KCNH5: variants seen among roughly 807,000 people sequenced by gnomAD.
The protein encoded by KCNH5 is potassium voltage-gated channel subfamily H member 5, also known as voltage-gated delayed rectifier potassium channel KCNH5.
In KCNH5, 46 loss-of-function variants were observed where a neutral mutation model predicts 96.1. The ratio of observed to expected loss-of-function variants is 0.48; its 90% CI spans 0.38 to 0.61. The LOEUF is 0.61. Ranked by LOEUF, KCNH5 falls within the 20% of genes least tolerant of loss-of-function variation. The pLI, the probability that KCNH5 is intolerant of heterozygous loss-of-function variation, is 0.00. For synonymous variants in KCNH5, 439 were observed against 449.8 expected, an observed-to-expected ratio of 0.98 and a Z score of 0.30; for missense variants, 907 against 1,225.8, an observed-to-expected ratio of 0.74 and a Z score of 3.88.
At chr14:62,755,730 T>G (rs1885607817) in intron 10 of KCNH5, among the ~76,000 whole-genome samples, 1 of 152,086 alleles carries the variant, frequency 6.6e-6, no homozygotes, top group Non-Finnish European at 1.5e-5. Context: ...CAAGAATAAT[T>G]CAACAACACA....
At chr14:62,873,587 C>T (rs138800993) in intron 7 of KCNH5, among the ~76,000 whole-genome samples, 2 of 152,252 alleles carry the variant, frequency 1.3e-5, no homozygotes, top group African/African-American at 4.8e-5. Flanking sequence ...TTATCTAATG[C>T]TTTGAATTAT....
rs1491457497 is a variant in KCNH5 at position 63,003,624 on chromosome 14, A to ATATATATATTT, written c.305-2166_305-2165insAAATATATATA. Among the ~76,000 whole-genome samples the ATATATATATTT allele has an allele frequency of 5.7e-4, 53 of 92,742 alleles. 3 individuals are homozygous for ATATATATATTT. In the East Asian group the frequency reaches 0.022, roughly 38 times the overall value. The allele number at this position is 92,742 out of a possible 152,430, so 60.8% of individuals were successfully genotyped here. On this transcript the variant is annotated intron_variant, in intron 3 of 10. Transcript: ENST00000322893. ...TATTTATATTTATATATATATATATATTTTTTTTTTTTTGAGACGGAGTCT... is the reference window on the plus strand; with the variant it reads ...TATTTATATTTATATATATATATATATATATATATTTTTTTTTTTTTTTTGAGACGGAGTCT...
At position 62,964,520 on chromosome 14, in the gene KCNH5, G is replaced by C. The variant is rs949378405; in HGVS notation, c.943-13961C>G. ...TTTAAACTGTCCACATATACTTACT[G>C]TCTGTTTTTCCCCCACCAGAATATT... On this transcript the variant is annotated intron_variant, in intron 6 of 10. Transcript: ENST00000322893. 9.9e-5 allele frequency among the ~76,000 whole-genome samples: 15 copies of C among 152,008 alleles called. 1 individual carries two copies. In the South Asian group the frequency reaches 3.1e-3, roughly 32 times the overall value.
chr14:62,855,031 C>A (rs544516804), intron 7 of KCNH5, among the ~76,000 whole-genome samples: 9 of 151,632 alleles, frequency 5.9e-5, no homozygotes, highest in African/African-American at 2.2e-4. Context: ...GGCCCAGAGG[C>A]CTTACAAAAC....
rs746767595 is a variant in KCNH5 at position 63,016,813 on chromosome 14, AG to A, written c.197+17del. ...TGTTAAATTTCAGAAAAGATTACTT[AG>A]CTATTCTGTTACCTACCTGCAAGTG... On this transcript the variant is annotated intron_variant, in intron 2 of 10. Transcript: ENST00000322893. 4 of 1,600,090 alleles carry A rather than the reference AG, an allele frequency of 2.5e-6. No homozygotes were observed. Among genetic ancestry groups the A allele is most frequent in the Admixed American group, 1.8e-5 (1 of 57,004 alleles).
Position 62,708,404 on chromosome 14 carries a change from G to A in KCNH5, c.2071C>T (p.Arg691Trp), listed in dbSNP as rs1313204598. Residue 691 changes from arginine to tryptophan, a missense_variant, in exon 11 of 11, where the codon CGG becomes TGG. Physicochemically the swap from Arg to Trp is moderately radical, Grantham distance 101. This residue lies in a region of KCNH5 where 362 missense variants were observed against 394.4 expected (regional missense o/e 0.92). Coordinates refer to ENST00000322893, the MANE Select transcript of KCNH5 (RefSeq NM_139318.5). ...CTGAGGGTCACCTCATTCTTCTGCCGGAGGCGCTCCTCCTCCTCTTTCTTC... is the reference window on the plus strand; with the variant it reads ...CTGAGGGTCACCTCATTCTTCTGCCAGAGGCGCTCCTCCTCCTCTTTCTTC... ...DVKKEEEERL[R>W]QKNEVTLSIP... 3.1e-6 allele frequency: 5 copies of A among 1,610,610 alleles called. No individual in the cohort carries two copies. Among genetic ancestry groups the A allele is most frequent in the East Asian group, 2.2e-5 (1 of 44,838 alleles).
intron 4 of KCNH5, among the ~76,000 whole-genome samples, chr14:62,999,614 C>G (rs146375630): frequency 0.015 from 2,159 of 146,202 alleles, 50 homozygotes; most frequent in African/African-American, 0.051. Context: ...ATCGCAAGGA[C>G]AAAAAACCAA....
chr14:63,025,901 A>T lies in KCNH5; in HGVS notation c.74-8947T>A, dbSNP rs370036368. On this transcript the variant is annotated intron_variant, in intron 1 of 10. Coordinates refer to ENST00000322893, the MANE Select transcript of KCNH5 (RefSeq NM_139318.5). The stretch of plus-strand genomic sequence containing the variant: ...ATCTGGAACCACAAAAGACCCCAAT[A>T]GCCAAAGTAATTTTGAACGAAAAGA... Among the ~76,000 whole-genome samples, 26 of 152,108 alleles carry T rather than the reference A, an allele frequency of 1.7e-4. No homozygotes were observed. The East Asian group carries it at 3.7e-3, about 21-fold the overall frequency.
intron 6 of KCNH5, among the ~76,000 whole-genome samples, chr14:62,959,094 T>G (rs1366429222): frequency 6.6e-6 from 1 of 152,080 alleles, no homozygotes; most frequent in Admixed American, 6.6e-5. Flanking sequence ...TCACCCAACC[T>G]ACCTTAAAAT....
chr14:62,795,942 G>C (rs950013284), intron 9 of KCNH5, among the ~76,000 whole-genome samples: 2 of 152,086 alleles, frequency 1.3e-5, no homozygotes, highest in South Asian at 4.2e-4. Context: ...CTAAATAAAG[G>C]AGCAGTATAT....
chr14:62,799,726 T>TACACAC (rs67691300), intron 9 of KCNH5, among the ~76,000 whole-genome samples: 800 of 68,558 alleles, frequency 0.012, 23 homozygotes, highest in African/African-American at 0.033. Context: ...TATATATATA[T>TACACAC]ACACACACAC....
intron 10 of KCNH5, among the ~76,000 whole-genome samples, chr14:62,718,856 G>A (rs1444417733): frequency 6.6e-6 from 1 of 152,094 alleles, no homozygotes; most frequent in Non-Finnish European, 1.5e-5. Context: ...TCCATACAAT[G>A]AAATACTATT....
At chr14:62,804,816 C>A (rs752068976) in intron 8 of KCNH5, among the ~76,000 whole-genome samples, 10 of 152,120 alleles carry the variant, frequency 6.6e-5, no homozygotes, top group Non-Finnish European at 1.3e-4. Flanking sequence ...TGGCACATAG[C>A]AAGGGCAGAG....
chr14:62,822,595 C>A (rs1432476011), intron 8 of KCNH5, among the ~76,000 whole-genome samples: 2 of 151,752 alleles, frequency 1.3e-5, no homozygotes, highest in Non-Finnish European at 2.9e-5. Flanking sequence ...AAAAGCTTAA[C>A]CTCAACCTAA....
At chr14:62,729,802 C>T (rs1442069777) in intron 10 of KCNH5, among the ~76,000 whole-genome samples, 2 of 152,146 alleles carry the variant, frequency 1.3e-5, no homozygotes, top group African/African-American at 4.8e-5. Context: ...GTCTAGCCTA[C>T]TACAAATTTT....
chr14:62,775,703 G>C (rs1035677768), intron 10 of KCNH5, among the ~76,000 whole-genome samples: 1 of 152,138 alleles, frequency 6.6e-6, no homozygotes, highest in Non-Finnish European at 1.5e-5. Context: ...TCTAATAAAG[G>C]TGGGGCGATT....
At chr14:62,883,919 G>A (rs968052975) in intron 7 of KCNH5, among the ~76,000 whole-genome samples, 1 of 152,084 alleles carries the variant, frequency 6.6e-6, no homozygotes, top group Non-Finnish European at 1.5e-5. Flanking sequence ...ATCTCAATTT[G>A]CTCCAGTCTA....
intron 8 of KCNH5, among the ~76,000 whole-genome samples, chr14:62,836,238 A>T (rs1887464894): frequency 6.6e-6 from 1 of 152,122 alleles, no homozygotes; most frequent in Non-Finnish European, 1.5e-5. Flanking sequence ...ACCTGTACAA[A>T]TGAAAGCAGG....
intron 6 of KCNH5, among the ~76,000 whole-genome samples, chr14:62,962,518 A>T (rs1192251830): frequency 6.6e-6 from 1 of 152,176 alleles, no homozygotes; most frequent in Non-Finnish European, 1.5e-5. Flanking sequence ...TTCACACAGC[A>T]AGACAAGTTA....
Sources: gnomAD v4.1 joint callset for allele counts (sites outside exome capture counted in the v4.1 genomes callset) on GRCh38, gnomAD v4.1.1 for gene constraint, gnomAD v4.1.1 regional missense constraint, MANE v1.5 for transcripts, NCBI Gene and HGNC (gene_info 2026-07-23, HGNC 2026-07-21) for gene names.